Variants in CHAF1A observed in about 807,000 individuals in gnomAD.
CHAF1A encodes CAF-1 subunit A.
A neutral mutation model predicts 93.2 loss-of-function variants in CHAF1A; 5 were observed. The observed-to-expected ratio is 0.05, with a 90% CI of 0.03 to 0.11. CHAF1A has a LOEUF of 0.11. Among genes scored for constraint, CHAF1A ranks in the 10% least tolerant of loss-of-function variants. The pLI is 1.00. For synonymous variants in CHAF1A, 504 were observed against 510.3 expected (o/e 0.99, Z 0.17); for missense variants, 1,102 against 1,259.9 (o/e 0.87, Z 1.90).
At chr19:4,405,231 GT>G (rs1973658178) in intron 1 of CHAF1A, among the ~76,000 whole-genome samples, 1 of 152,112 alleles carries the variant, frequency 6.6e-6, no homozygotes, top group Admixed American at 6.6e-5. Context: ...TTGGCATTTT[GT>G]TTCCAGAGAG....
chr19:4,415,047 C>T (rs1448645652), intron 3 of CHAF1A, among the ~76,000 whole-genome samples: 1 of 152,010 alleles, frequency 6.6e-6, no homozygotes, highest in Non-Finnish European at 1.5e-5. Flanking sequence ...AGCTCTGTCG[C>T]GACTCCTTGG....
intron 13 of CHAF1A, 40 bp from the exon 14 acceptor site, chr19:4,442,205 C>T: frequency 1.3e-6 from 2 of 1,548,944 alleles, no homozygotes; most frequent in South Asian, 1.1e-5. Context: ...AGGGTGGCTG[C>T]TGCCTGCAGT....
intron 3 of CHAF1A, among the ~76,000 whole-genome samples, chr19:4,417,424 C>G (rs1374382109): frequency 6.6e-6 from 1 of 150,652 alleles, no homozygotes; most frequent in East Asian, 2.0e-4. Flanking sequence ...TGCTACAAAT[C>G]CATCCTCTCC....
chr19:4,447,975 C>T (rs1256585431), downstream of CHAF1A: 3 of 502,242 alleles, frequency 6.0e-6, no homozygotes, highest in Non-Finnish European at 1.1e-5. Context: ...CGGGGTGCTC[C>T]CTCGGCGTTG....
chr19:4,435,477 G>A (rs139487753), intron 13 of CHAF1A, among the ~76,000 whole-genome samples: 5 of 151,478 alleles, frequency 3.3e-5, no homozygotes, highest in Middle Eastern at 3.4e-3. Context: ...AGGCTCAGGC[G>A]ATCCTCCCAC....
In CHAF1A at chr19:4,442,295, A is replaced by C. The variant is rs749081873; in HGVS notation, c.2724A>C (p.Glu908Asp). Reference protein sequence around the residue: ...DGFQADTEEEEEEEGDCMIVD... With the variant: ...DGFQADTEEEDEEEGDCMIVD... ...TCCAGGCAGACACGGAGGAGGAGGA[A>C]GAGGAGGAGGGCGACTGTATGATCG... Residue 908 changes from glutamate (E) to aspartate (D), a missense_variant, in exon 14 of 15, where the codon GAA becomes GAC. Glu to Asp is a conservative substitution (Grantham distance 45). Transcript: ENST00000301280. The C allele has an allele frequency of 8.1e-6, 13 of 1,613,016 alleles. No homozygotes were observed. Among genetic ancestry groups the C allele is most frequent in the Non-Finnish European group, 9.3e-6 (11 of 1,179,478 alleles).
rs563840255 is a variant in CHAF1A at position 4,433,025 on chromosome 19, G to A, written c.2204-45G>A. The A allele has an allele frequency of 5.6e-5, 80 of 1,440,412 alleles. No homozygotes were observed. Among genetic ancestry groups the A allele is most frequent in the Non-Finnish European group, 7.3e-5 (78 of 1,069,906 alleles). The allele number at this position is 1,440,412 out of a possible 1,614,324, so 89.2% of individuals were successfully genotyped here. A position where few individuals can be genotyped will look rare whatever the true frequency, so the allele number is the denominator to read the frequency against. On this transcript the variant is annotated intron_variant, in intron 12 of 14. Transcript: ENST00000301280. The surrounding 1 kb of genome is among the most constrained non-coding windows in gnomAD (Gnocchi z 5.6). ...TTTTGTTTTTTGGCCTGTGGTGATG[G>A]GTGGCTCCCCAAGCCTCATGCCCAC...
At chr19:4,445,482 C>T, downstream of CHAF1A, 1 of 1,613,636 alleles carries the variant, frequency 6.2e-7, no homozygotes, top group East Asian at 2.2e-5. Flanking sequence ...GGGCTGAGGC[C>T]AACCCTGCTT....
chr19:4,408,306 C>T (rs1973720171), intron 2 of CHAF1A, among the ~76,000 whole-genome samples: 2 of 151,206 alleles, frequency 1.3e-5, no homozygotes, highest in Admixed American at 1.3e-4. Context: ...CATTCTCCTG[C>T]CTCAGTCTCC....
chr19:4,447,461 C>G, downstream of CHAF1A: 2 of 1,452,228 alleles, frequency 1.4e-6, no homozygotes, highest in Non-Finnish European at 1.9e-6. Context: ...TCCAGGGAGC[C>G]CACCGCCTGG....
intron 1 of CHAF1A, among the ~76,000 whole-genome samples, chr19:4,403,554 C>G (rs984915070): frequency 6.6e-6 from 1 of 152,274 alleles, no homozygotes; most frequent in South Asian, 2.1e-4. Flanking sequence ...AGAATGGACG[C>G]CAGTCCAGTT....
chr19:4,440,642 C>T (rs1020448745), intron 13 of CHAF1A, among the ~76,000 whole-genome samples: 2 of 151,940 alleles, frequency 1.3e-5, no homozygotes, highest in Non-Finnish European at 2.9e-5. Flanking sequence ...TGTCCTCAGG[C>T]AATTTCATGG....
downstream of CHAF1A, chr19:4,447,597 C>T (rs141391502): frequency 2.2e-4 from 350 of 1,613,952 alleles, 2 homozygotes; most frequent in Middle Eastern, 5.5e-3. Context: ...TTCTCCTCCT[C>T]GGGGTGCAGG....
At chr19:4,442,756 G>A (rs1397210481) in intron 14 of CHAF1A, among the ~76,000 whole-genome samples, 169 bp from the exon 15 acceptor site, 1 of 152,180 alleles carries the variant, frequency 6.6e-6, no homozygotes, top group African/African-American at 2.4e-5. Context: ...AGGTGAGCAG[G>A]TCACCTCTAG....
At chr19:4,415,739 C>A (rs73918234) in intron 3 of CHAF1A, among the ~76,000 whole-genome samples, 3 of 152,198 alleles carry the variant, frequency 2.0e-5, no homozygotes, top group Non-Finnish European at 2.9e-5. Flanking sequence ...CTTCTCACAA[C>A]GGCTCGGCCT....
rs66491258 is a variant in CHAF1A, at chr19:4,411,644, C to CTTTTTTTTTTTTTTTTTTTTTTTTTT, written c.960+1906_960+1907insTTTTTTTTTTTTTTTTTTTTTTTTTT. On this transcript the variant is annotated intron_variant, in intron 3 of 14. Coordinates refer to ENST00000301280, the MANE Select transcript of CHAF1A (RefSeq NM_005483.3). Reference sequence around the variant, plus strand: ...GAAATGTTGTAAAAATGGTGCAAATCTTTTTTTTTTTTTTTTTTTTTGAGA... The same window carrying CTTTTTTTTTTTTTTTTTTTTTTTTTT: ...GAAATGTTGTAAAAATGGTGCAAATCTTTTTTTTTTTTTTTTTTTTTTTTTTTTTTTTTTTTTTTTTTTTTTTGAGA... Among the ~76,000 whole-genome samples the CTTTTTTTTTTTTTTTTTTTTTTTTTT allele has an allele frequency of 3.9e-3, 188 of 48,190 alleles. 55 individuals are homozygous for CTTTTTTTTTTTTTTTTTTTTTTTTTT. The highest frequency in any genetic ancestry group is 5.7e-3 in the Non-Finnish European group (140 of 24,606). 31.6% of individuals were successfully genotyped at this position (48,190 alleles called of 152,430 possible). A position where few individuals can be genotyped will look rare whatever the true frequency, so the allele number is the denominator to read the frequency against.
Position 4,407,719 on chromosome 19 carries a change from G to A in CHAF1A, c.104-1184G>A, listed in dbSNP as rs142373748. Among the ~76,000 whole-genome samples the A allele has an allele frequency of 1.1e-3, 163 of 152,188 alleles. 4 individuals carry two copies. The highest frequency in any genetic ancestry group is 3.6e-3 in the African/African-American group (151 of 41,518). ...TCCCAGCACCTTGGGAGGTGGAGGC[G>A]GGCAGATCACCTGAGGTCAGGAGTT... is the stretch of plus-strand genomic sequence containing the variant. On this transcript the variant is annotated intron_variant, in intron 2 of 14. Coordinates refer to ENST00000301280, the MANE Select transcript of CHAF1A (RefSeq NM_005483.3).
At chr19:4,408,769 C>T (rs1007879507) in intron 2 of CHAF1A, 134 bp from the exon 3 acceptor site, 30 of 1,151,054 alleles carry the variant, frequency 2.6e-5, no homozygotes, top group Admixed American at 5.0e-5. Flanking sequence ...CCACCACACC[C>T]GGCCCAGATA....
At chr19:4,410,985 T>G (rs1485515888) in intron 3 of CHAF1A, among the ~76,000 whole-genome samples, 1 of 152,212 alleles carries the variant, frequency 6.6e-6, no homozygotes, top group South Asian at 2.1e-4. Flanking sequence ...CCACGGTGTT[T>G]AGTGGTGTCT....
Sources: gnomAD v4.1 joint callset for allele counts (sites outside exome capture counted in the v4.1 genomes callset) on GRCh38, gnomAD v4.1.1 for gene constraint, Gnocchi (gnomAD v3.1) non-coding constraint, MANE v1.5 for transcripts, NCBI Gene and HGNC (gene_info 2026-07-23, HGNC 2026-07-21) for gene names.